Variants in FBXW7 observed in about 807,000 individuals in gnomAD.
FBXW7 encodes the protein F-box and WD repeat domain containing 7.
A neutral mutation model predicts 86.3 loss-of-function variants in FBXW7; 11 were observed. That is an observed-to-expected ratio of 0.13 (90% CI 0.08 to 0.21). The LOEUF (loss-of-function observed/expected upper bound fraction) is 0.21, where lower values mean the gene tolerates loss of function less well. Among genes scored for constraint, FBXW7 ranks in the 10% least tolerant of loss-of-function variants. The probability of loss-of-function intolerance (pLI) is 1.00; values close to 1 mark genes in which losing one functional copy is unlikely to be tolerated. For synonymous variants in FBXW7, 313 were observed against 297.9 expected (o/e 1.05, Z -0.52); for missense variants, 488 against 847.4 (o/e 0.58, Z 5.27).
intron 2 of FBXW7, among the ~76,000 whole-genome samples, chr4:152,521,429 C>G (rs1749002478): frequency 6.6e-6 from 1 of 152,102 alleles, no homozygotes; most frequent in Non-Finnish European, 1.5e-5. Flanking sequence ...CACACACATA[C>G]AAATAGACAT....
chr4:152,456,606 G>T (rs767724178), intron 2 of FBXW7, among the ~76,000 whole-genome samples: 1 of 152,182 alleles, frequency 6.6e-6, no homozygotes, highest in East Asian at 1.9e-4. Context: ...GATGTGAATG[G>T]CAAACAAGCA....
chr4:152,426,926 T>A (rs1207239174), intron 2 of FBXW7, among the ~76,000 whole-genome samples: 4 of 152,190 alleles, frequency 2.6e-5, no homozygotes, highest in Non-Finnish European at 5.9e-5. Flanking sequence ...AAAACTATTT[T>A]AACACTGTAC....
intron 2 of FBXW7, among the ~76,000 whole-genome samples, chr4:152,433,562 T>C (rs750645254): frequency 5.3e-5 from 8 of 152,310 alleles, no homozygotes; most frequent in East Asian, 1.9e-4. Context: ...GCATTAAAAA[T>C]GAACAAATAA....
At chr4:152,350,488 G>A (rs1050533341) in intron 4 of FBXW7, among the ~76,000 whole-genome samples, 2 of 151,602 alleles carry the variant, frequency 1.3e-5, no homozygotes, top group East Asian at 1.9e-4. Flanking sequence ...CATATTTAAC[G>A]TGCCTTCCTC....
At chr4:152,460,661 T>C (rs1742856348) in intron 2 of FBXW7, among the ~76,000 whole-genome samples, 1 of 152,254 alleles carries the variant, frequency 6.6e-6, no homozygotes, top group African/African-American at 2.4e-5. Flanking sequence ...TTGTTTCTGG[T>C]AAGATATTTC....
At chr4:152,368,191 G>C (rs980150498) in intron 4 of FBXW7, among the ~76,000 whole-genome samples, 4 of 152,026 alleles carry the variant, frequency 2.6e-5, no homozygotes, top group Non-Finnish European at 4.4e-5. Flanking sequence ...TACAACTTCT[G>C]CCTGTTTCCT....
intron 2 of FBXW7, among the ~76,000 whole-genome samples, chr4:152,415,619 C>T (rs1738359088): frequency 6.6e-6 from 1 of 152,108 alleles, no homozygotes; most frequent in Non-Finnish European, 1.5e-5. Flanking sequence ...TATTACTCCA[C>T]TGCTCAACAC....
At chr4:152,523,807 AT>A (rs1322287933) in intron 2 of FBXW7, among the ~76,000 whole-genome samples, 1 of 152,198 alleles carries the variant, frequency 6.6e-6, no homozygotes, top group Admixed American at 6.5e-5. Context: ...TGAGTGACAC[AT>A]CATCTATTTT....
At chr4:152,382,155 AAACAT>A (rs1735134387) in intron 4 of FBXW7, 1 of 1,464,986 alleles carries the variant, frequency 6.8e-7, no homozygotes, top group Non-Finnish European at 9.2e-7. Context: ...TCACTTAAAT[AAACAT>A]TCATATTTTT....
chr4:152,419,389 C>T (rs1432074524), intron 2 of FBXW7, among the ~76,000 whole-genome samples: 1 of 151,756 alleles, frequency 6.6e-6, no homozygotes, highest in Non-Finnish European at 1.5e-5. Context: ...ATTTAAACAT[C>T]ATTTTCAGTT....
intron 4 of FBXW7, among the ~76,000 whole-genome samples, chr4:152,391,102 A>G (rs913491242): frequency 1.3e-5 from 2 of 152,090 alleles, no homozygotes; most frequent in Non-Finnish European, 2.9e-5. Flanking sequence ...AGATAAACAT[A>G]GTACCATACT....
chr4:152,497,923 T>C (rs1008575859), intron 2 of FBXW7, among the ~76,000 whole-genome samples: 5 of 152,174 alleles, frequency 3.3e-5, no homozygotes, highest in Non-Finnish European at 5.9e-5. Flanking sequence ...AATCTACACA[T>C]GTCAATATGA....
At chr4:152,497,571 G>A (rs1332832574) in intron 2 of FBXW7, among the ~76,000 whole-genome samples, 1 of 151,970 alleles carries the variant, frequency 6.6e-6, no homozygotes, top group Non-Finnish European at 1.5e-5. Context: ...TCAAAGTAAT[G>A]AAAATGAAAA....
chr4:152,346,848 C>A (rs780538298), intron 6 of FBXW7, 82 bp downstream of exon 6: 10 of 1,561,338 alleles, frequency 6.4e-6, no homozygotes, highest in Non-Finnish European at 8.7e-6. Flanking sequence ...AACAGTGTTT[C>A]CTTCTTTTTT....
intron 11 of FBXW7, among the ~76,000 whole-genome samples, chr4:152,327,137 A>G (rs906541101): frequency 1.3e-5 from 2 of 152,052 alleles, no homozygotes; most frequent in Non-Finnish European, 2.9e-5. Context: ...AAAAAAGTAG[A>G]TAATTAAAGG....
intron 4 of FBXW7, among the ~76,000 whole-genome samples, chr4:152,368,274 A>G (rs1028901366): frequency 6.6e-6 from 1 of 152,156 alleles, no homozygotes; most frequent in African/African-American, 2.4e-5. Context: ...AACAAAGCTA[A>G]TATGAAAACA....
intron 13 of FBXW7, 84 bp downstream of exon 13, chr4:152,324,100 C>G (rs941232287): frequency 1.2e-5 from 13 of 1,094,286 alleles, no homozygotes; most frequent in Non-Finnish European, 1.8e-5. Flanking sequence ...GAGGTTGACT[C>G]TTTTTGTGAT....
At chr4:152,419,497 ACACACACACACACAC>A (rs1738752752) in intron 2 of FBXW7, among the ~76,000 whole-genome samples, 1 of 145,150 alleles carries the variant, frequency 6.9e-6, no homozygotes. Context: ...TAAGGTAAAC[ACACACACACACACAC>A]ACACACACAC....
intron 4 of FBXW7, among the ~76,000 whole-genome samples, chr4:152,392,315 T>C (rs1386219216): frequency 1.3e-5 from 2 of 152,032 alleles, no homozygotes; most frequent in Non-Finnish European, 2.9e-5. Context: ...GGCTGAGTCA[T>C]AAAAAGGAGA....
Sources: allele counts gnomAD v4.1 joint callset (sites outside exome capture counted in the v4.1 genomes callset), GRCh38; gene constraint gnomAD v4.1.1; transcripts MANE v1.5; gene names NCBI Gene and HGNC (gene_info 2026-07-23, HGNC 2026-07-21).